CRPPA: variants seen among roughly 807,000 people sequenced by gnomAD.
CRPPA encodes the protein D-ribitol-5-phosphate cytidylyltransferase.
Under a neutral mutation model 52.0 loss-of-function variants are expected in CRPPA, and 43 were observed. The ratio of observed to expected loss-of-function variants is 0.83; its 90% CI spans 0.65 to 1.07. CRPPA has a LOEUF of 1.07. Ranked by LOEUF, CRPPA falls within the 50% of genes least tolerant of loss-of-function variation. CRPPA has a pLI of 0.00. For missense variants in CRPPA, 629 were observed against 551.7 expected (o/e 1.14, Z -1.40); for synonymous variants, 250 against 203.5 (o/e 1.23, Z -1.94).
At chr7:16,200,251 T>G (rs1325089103) in intron 9 of CRPPA, among the ~76,000 whole-genome samples, 1 of 152,228 alleles carries the variant, frequency 6.6e-6, no homozygotes, top group Non-Finnish European at 1.5e-5. Context: ...GGAGTTCTTG[T>G]GCAAGAAGCA....
At chr7:16,275,568 C>T (rs188218094) in intron 6 of CRPPA, among the ~76,000 whole-genome samples, 1 of 152,156 alleles carries the variant, frequency 6.6e-6, no homozygotes, top group African/African-American at 2.4e-5. Flanking sequence ...AATGGTCATG[C>T]CTGTATTTCC....
At chr7:16,181,171 C>CT (rs1781405828) in intron 9 of CRPPA, among the ~76,000 whole-genome samples, 1 of 151,796 alleles carries the variant, frequency 6.6e-6, no homozygotes, top group Non-Finnish European at 1.5e-5. Flanking sequence ...GAAAACACAA[C>CT]TATACGATTA....
At chr7:16,331,128 T>C (rs1246109736) in intron 3 of CRPPA, among the ~76,000 whole-genome samples, 1 of 151,976 alleles carries the variant, frequency 6.6e-6, no homozygotes, top group Non-Finnish European at 1.5e-5. Flanking sequence ...GCCTCCCGAG[T>C]AGGTGGGACT....
intron 5 of CRPPA, among the ~76,000 whole-genome samples, chr7:16,286,062 T>TTTAAAAAAAA (rs1562608492): frequency 5.3e-4 from 17 of 32,362 alleles, no homozygotes; most frequent in African/African-American, 8.1e-4. Flanking sequence ...TATATATATA[T>TTTAAAAAAAA]ATATATATAT....
At chr7:16,402,487 C>G (rs1056905016) in intron 2 of CRPPA, among the ~76,000 whole-genome samples, 1 of 151,792 alleles carries the variant, frequency 6.6e-6, no homozygotes, top group African/African-American at 2.4e-5. Flanking sequence ...AAATTATGAA[C>G]AAAAGTAAAC....
intron 8 of CRPPA, among the ~76,000 whole-genome samples, chr7:16,224,543 T>A (rs1782600229): frequency 6.6e-6 from 1 of 152,106 alleles, no homozygotes; most frequent in Non-Finnish European, 1.5e-5. Flanking sequence ...GGAAGGATGG[T>A]CAAAATGAAA....
chr7:16,207,219 G>C (rs903234800), intron 9 of CRPPA, among the ~76,000 whole-genome samples: 2 of 152,126 alleles, frequency 1.3e-5, no homozygotes, highest in Admixed American at 6.5e-5. Context: ...CCTGGAAAAT[G>C]GTTCTTGGAC....
Position 16,133,167 on chromosome 7 carries a change from G to C in CRPPA, c.1252-41368C>G. On this transcript the variant is annotated intron_variant, in intron 9 of 9. Coordinates refer to ENST00000407010, the MANE Select transcript of CRPPA (RefSeq NM_001101426.4). ...CCATCTCTACTAAAAATAAAAAAAAGTTAGTTGGGTATGGTGGTGCATTAC... is the reference window on the plus strand; with the variant it reads ...CCATCTCTACTAAAAATAAAAAAAACTTAGTTGGGTATGGTGGTGCATTAC... Among the ~76,000 whole-genome samples, 2 of 121,568 alleles carry C rather than the reference G, an allele frequency of 1.6e-5. 1 individual carries two copies. The highest frequency in any genetic ancestry group is 3.7e-5 in the Non-Finnish European group (2 of 53,728). The allele number at this position is 121,568 out of a possible 152,430, so 79.8% of individuals were successfully genotyped here.
chr7:16,181,032 ATGTT>A (rs1175909200), intron 9 of CRPPA, among the ~76,000 whole-genome samples: 1 of 151,982 alleles, frequency 6.6e-6, no homozygotes, highest in Non-Finnish European at 1.5e-5. Flanking sequence ...TTTAGGTACA[ATGTT>A]TGTAAAAAAA....
At position 16,236,219 on chromosome 7, in the gene CRPPA, A is replaced by G. The variant is rs79735708; in HGVS notation, c.1120-20022T>C. 6.5e-3 allele frequency among the ~76,000 whole-genome samples: 989 copies of G among 152,150 alleles called. 17 individuals carry two copies. The highest frequency in any genetic ancestry group is 0.023 in the African/African-American group (970 of 41,540). On this transcript the variant is annotated intron_variant, in intron 8 of 9. Transcript: ENST00000407010. The stretch of plus-strand genomic sequence containing the variant: ...AATTTAAATCTAGAGGCCTCTCACT[A>G]TATTCTCGAAGTGGAAATACTACTC...
At chr7:16,212,235 A>G (rs1782168469) in intron 9 of CRPPA, among the ~76,000 whole-genome samples, 1 of 152,202 alleles carries the variant, frequency 6.6e-6, no homozygotes, top group Admixed American at 6.5e-5. Flanking sequence ...AGGTCTGCCA[A>G]TTAGTGCCAT....
chr7:16,137,680 T>A (rs1222030704), intron 9 of CRPPA, among the ~76,000 whole-genome samples: 5 of 152,210 alleles, frequency 3.3e-5, no homozygotes, highest in African/African-American at 1.2e-4. Flanking sequence ...GTTTAACTTT[T>A]CTTTCAATTA....
At chr7:16,232,927 C>T (rs1226362830) in intron 8 of CRPPA, among the ~76,000 whole-genome samples, 1 of 152,066 alleles carries the variant, frequency 6.6e-6, no homozygotes, top group African/African-American at 2.4e-5. Context: ...AACATTAAAA[C>T]AGTTATTAAA....
At chr7:16,250,528 A>C (rs139136617) in intron 8 of CRPPA, among the ~76,000 whole-genome samples, 4,898 of 152,308 alleles carry the variant, frequency 0.032, 264 homozygotes, top group African/African-American at 0.11. Flanking sequence ...CAGCTCTCTC[A>C]GCAGAAACTC....
In CRPPA at chr7:16,151,152, G is replaced by A. The variant is rs140556293; in HGVS notation, c.1252-59353C>T. On this transcript the variant is annotated intron_variant, in intron 9 of 9. Coordinates refer to ENST00000407010, the MANE Select transcript of CRPPA (RefSeq NM_001101426.4). ...TGGTAGACTGATAAAATGAGACAAT[G>A]TAGATGAGATGGGTACTATGTACCT... Among the ~76,000 whole-genome samples, 846 of 152,284 alleles carry A rather than the reference G, an allele frequency of 5.6e-3. 7 individuals carry two copies. The highest frequency in any genetic ancestry group is 0.019 in the African/African-American group (787 of 41,560).
intron 4 of CRPPA, among the ~76,000 whole-genome samples, chr7:16,302,027 A>G (rs1449803339): frequency 1.3e-5 from 2 of 152,162 alleles, no homozygotes; most frequent in Non-Finnish European, 2.9e-5. Flanking sequence ...AACAATGATG[A>G]TCTTTCCTTA....
chr7:16,330,549 C>G (rs974446023), intron 3 of CRPPA, among the ~76,000 whole-genome samples: 1 of 152,056 alleles, frequency 6.6e-6, no homozygotes, highest in African/African-American at 2.4e-5. Flanking sequence ...AGGGAAAGCT[C>G]AAATGTAATT....
At chr7:16,415,151 G>A (rs1393773328) in intron 1 of CRPPA, among the ~76,000 whole-genome samples, 1 of 152,148 alleles carries the variant, frequency 6.6e-6, no homozygotes, top group Non-Finnish European at 1.5e-5. Context: ...CAGTTTCAAT[G>A]GCGCAAAGTA....
intron 2 of CRPPA, among the ~76,000 whole-genome samples, chr7:16,381,190 T>C (rs1787076998): frequency 6.6e-6 from 1 of 152,164 alleles, no homozygotes; most frequent in South Asian, 2.1e-4. Context: ...GGTATGTTGT[T>C]TCATTGTTCT....
Sources: gnomAD v4.1 joint callset for allele counts (sites outside exome capture counted in the v4.1 genomes callset) on GRCh38, gnomAD v4.1.1 for gene constraint, MANE v1.5 for transcripts, NCBI Gene and HGNC (gene_info 2026-07-23, HGNC 2026-07-21) for gene names.